The following CALCOCO1 variants were observed in gnomAD, a reference collection of about 807,000 sequenced individuals.
CALCOCO1 encodes the protein calcium-binding and coiled-coil domain-containing protein 1.
In CALCOCO1, 44 loss-of-function variants were observed where a neutral mutation model predicts 86.3. That is an observed-to-expected ratio of 0.51 (90% confidence interval 0.40 to 0.66). The LOEUF (loss-of-function observed/expected upper bound fraction) is 0.66. CALCOCO1 is among the 30% of genes least tolerant of loss of function. The pLI is 0.00. For synonymous variants in CALCOCO1, 297 were observed against 327.6 expected, an observed-to-expected ratio of 0.91 and a Z score of 1.01; for missense variants, 708 against 851.1, an observed-to-expected ratio of 0.83 and a Z score of 2.09.
At chr12:53,718,936 C>T (rs1184510961) in intron 7 of CALCOCO1, among the ~76,000 whole-genome samples, 2 of 148,914 alleles carry the variant, frequency 1.3e-5, no homozygotes, top group Non-Finnish European at 3.0e-5. Flanking sequence ...CAATTTCTGC[C>T]TCCCGGGTTC....
chr12:53,724,818 G>A (rs1301825213), intron 2 of CALCOCO1, 71 bp from the exon 3 acceptor site: 2 of 1,275,696 alleles, frequency 1.6e-6, no homozygotes, highest in Non-Finnish European at 2.2e-6. Context: ...AAAGGGCTGA[G>A]GGGTTGAATA....
At position 53,725,270 on chromosome 12, in the gene CALCOCO1, T is replaced by C. The variant is rs376476147; in HGVS notation, c.-24-4A>G. ...TGGCCTTGAGATATCTGTCCTCCTA[T>C]GAAAGAAAGGGTTGATAGCCTAAAG... On this transcript the variant is annotated splice_region_variant and splice_polypyrimidine_tract_variant and intron_variant, in intron 1 of 14. Coordinates refer to ENST00000550804, the MANE Select transcript of CALCOCO1 (RefSeq NM_020898.3). 1.3e-6 allele frequency: 2 copies of C among 1,549,308 alleles called. No homozygotes were observed. Among genetic ancestry groups the C allele is most frequent in the East Asian group, 4.7e-5 (2 of 42,604 alleles).
chr12:53,723,713 A>G lies in CALCOCO1; in HGVS notation c.330T>C (p.Cys110=), dbSNP rs974846207. 1.9e-6 allele frequency: 3 copies of G among 1,614,208 alleles called. No individual in the cohort carries two copies. The highest frequency in any genetic ancestry group is 8.5e-7 in the Non-Finnish European group (1 of 1,180,036). The part of the protein sequence containing the change: ...FRYVNRQGQV[C]GQSPPFQFRE... ...GGAACTGGAAAGGGGGGCTCTGCCC[A>G]CACACCTGGCCCTGGCGGTTCACAT... Residue 110 remains cysteine (C), a synonymous_variant, in exon 4 of 15, where the codon TGT becomes TGC. Coordinates refer to ENST00000550804, the MANE Select transcript of CALCOCO1 (RefSeq NM_020898.3).
chr12:53,718,754 C>G (rs1237681360), intron 7 of CALCOCO1, among the ~76,000 whole-genome samples: 2 of 151,692 alleles, frequency 1.3e-5, no homozygotes, highest in Non-Finnish European at 1.5e-5. Flanking sequence ...GGTTTTGAAC[C>G]CCTGGGCTTG....
In CALCOCO1 at chr12:53,719,747, G is replaced by A; in HGVS notation, c.841C>T (p.Gln281Ter). The A allele has an allele frequency of 6.2e-7, 1 of 1,612,938 alleles. No homozygotes were observed. Among genetic ancestry groups the A allele is most frequent in the Non-Finnish European group, 8.5e-7 (1 of 1,179,154 alleles). The change falls in exon 7 of 15, where the codon CAA becomes TAA. Residue 281 changes from glutamine to a stop codon, truncating the protein, a stop_gained. Coordinates refer to ENST00000550804, the MANE Select transcript of CALCOCO1 (RefSeq NM_020898.3). LOFTEE classifies it high-confidence loss of function. ...QLKEVQADKE[Q>*]SEAELQVAQQ... ...AACTCTGAGCCCCTTACCTCACTTT[G>A]CTCCTTGTCTGCTTGTACTTCTTTC...
Position 53,715,764 on chromosome 12 carries a change from A to G in CALCOCO1, c.1260+29T>C, listed in dbSNP as rs776249526. On this transcript the variant is annotated intron_variant, in intron 9 of 14. Transcript: ENST00000550804. ...CACAGAGGTGGGGGCAGTGGCCATC[A>G]GATTGCCAGGTACCCCCCATCCCTC... The G allele has an allele frequency of 7.5e-6, 12 of 1,605,796 alleles. No homozygotes were observed. In the Admixed American group the frequency reaches 2.0e-4, roughly 27 times the overall value.
intron 12 of CALCOCO1, 85 bp from the exon 13 acceptor site, chr12:53,713,985 A>G (rs1332974345): frequency 4.5e-6 from 6 of 1,346,400 alleles, no homozygotes; most frequent in Middle Eastern, 3.7e-4. Context: ...GAGGGGTATC[A>G]TTAGACTAAA....
At position 53,722,740 on chromosome 12, in the gene CALCOCO1, C is replaced by T. The variant is rs147860982; in HGVS notation, c.451-557G>A. 3.4e-4 allele frequency among the ~76,000 whole-genome samples: 52 copies of T among 152,178 alleles called. No homozygotes were observed. In the East Asian group the frequency reaches 9.4e-3, roughly 28 times the overall value. On this transcript the variant is annotated intron_variant, in intron 4 of 14. Coordinates refer to ENST00000550804, the MANE Select transcript of CALCOCO1 (RefSeq NM_020898.3). ...GACTACAGATGCATGCCACTACACC[C>T]AGCTAGCTATGTGATTTTGAACAAG... is the stretch of plus-strand genomic sequence containing the variant.
At position 53,722,013 on chromosome 12, in the gene CALCOCO1, C is replaced by T. The variant is rs1258250091; in HGVS notation, c.609+12G>A. On this transcript the variant is annotated intron_variant, in intron 5 of 14. Coordinates refer to ENST00000550804, the MANE Select transcript of CALCOCO1 (RefSeq NM_020898.3). ...CAGCCAGGCCCTGTCCCCTACCTGG[C>T]CCAGCTCCCACCTTGTACTGTTCCA... The T allele has an allele frequency of 1.2e-5, 19 of 1,611,952 alleles. No individual in the cohort carries two copies. In the East Asian group the frequency reaches 4.0e-4, roughly 34 times the overall value.
At chr12:53,726,373 A>T (rs1946034137) in intron 1 of CALCOCO1, 1 of 152,200 alleles carries the variant, frequency 6.6e-6, no homozygotes, top group Non-Finnish European at 1.5e-5. Flanking sequence ...GTTCCAAGTT[A>T]GCTGGGGAGA....
chr12:53,719,596 A>T lies in CALCOCO1; in HGVS notation c.849+143T>A, dbSNP rs184299068. The T allele has an allele frequency of 8.2e-4, 518 of 634,936 alleles. 3 individuals are homozygous for T. In the African/African-American group the frequency reaches 8.2e-3, roughly 10 times the overall value. 39.3% of individuals were successfully genotyped at this position (634,936 alleles called of 1,614,324 possible). ...CACTTTTCCACTCTGACTAATCCTG[A>T]TTTAGGTATATGTCTTATGTTCCCT... On this transcript the variant is annotated intron_variant, in intron 7 of 14. Coordinates refer to ENST00000550804, the MANE Select transcript of CALCOCO1 (RefSeq NM_020898.3).
At position 53,714,597 on chromosome 12, in the gene CALCOCO1, C is replaced by A. The variant is rs1163407433; in HGVS notation, c.1482+1G>T. The A allele has an allele frequency of 6.2e-7, 1 of 1,613,256 alleles. No homozygotes were observed. Among genetic ancestry groups the A allele is most frequent in the South Asian group, 1.1e-5 (1 of 91,064 alleles). On this transcript the variant is annotated splice_donor_variant, in intron 11 of 14. Coordinates refer to ENST00000550804, the MANE Select transcript of CALCOCO1 (RefSeq NM_020898.3). LOFTEE classifies it high-confidence loss of function. ...ACGGGGCCTGGGTTATGGGTGCTCA[C>A]CTGTTTCTCCTCCTGTAACTGCTCC...
At chr12:53,713,978 G>T in intron 12 of CALCOCO1, 78 bp from the exon 13 acceptor site, 1 of 1,370,082 alleles carries the variant, frequency 7.3e-7, no homozygotes, top group Non-Finnish European at 1.0e-6. Flanking sequence ...TCTGGATGAG[G>T]GGTATCATTA....
intron 9 of CALCOCO1, 60 bp downstream of exon 9, chr12:53,715,733 A>C: frequency 6.3e-7 from 1 of 1,582,336 alleles, no homozygotes; most frequent in Non-Finnish European, 8.6e-7. Context: ...CACATGTAGG[A>C]GTCCCCACAG....
At chr12:53,721,163 CT>C (rs2120621887) in intron 6 of CALCOCO1, among the ~76,000 whole-genome samples, 1 of 152,354 alleles carries the variant, frequency 6.6e-6, no homozygotes, top group East Asian at 1.9e-4. Flanking sequence ...CCTCTCTTAT[CT>C]TGCACTGACT....
At position 53,711,864 on chromosome 12, in the gene CALCOCO1, G is replaced by A. The variant is rs959358059; in HGVS notation, c.*80C>T. ...ATGGAGCCCAGTGTGATAGAAAATG[G>A]GCATGAAACCTAAGTGTATGCATGT... On this transcript the variant is annotated 3_prime_UTR_variant, in exon 15 of 15. Coordinates refer to ENST00000550804, the MANE Select transcript of CALCOCO1 (RefSeq NM_020898.3). 2 of 1,228,174 alleles carry A rather than the reference G, an allele frequency of 1.6e-6. No homozygotes were observed. Among genetic ancestry groups the A allele is most frequent in the East Asian group, 2.9e-5 (1 of 34,070 alleles). 76.1% of individuals were successfully genotyped at this position (1,228,174 alleles called of 1,614,324 possible). A position where few individuals can be genotyped will look rare whatever the true frequency, so the allele number is the denominator to read the frequency against.
At chr12:53,723,079 T>G (rs946159226) in intron 4 of CALCOCO1, 3 of 351,794 alleles carry the variant, frequency 8.5e-6, no homozygotes, top group African/African-American at 2.1e-5. Flanking sequence ...TAAAAAATAC[T>G]AAGTCTTCAA....
rs1250805021 is a variant in CALCOCO1 at position 53,710,671 on chromosome 12, T to G, written c.*1273A>C. On this transcript the variant is annotated 3_prime_UTR_variant, in exon 15 of 15. Coordinates refer to ENST00000550804, the MANE Select transcript of CALCOCO1 (RefSeq NM_020898.3). Reference sequence around the variant, plus strand: ...AAACAGGAGGAATATAAAATCGCCTTTAGAGGTATGAGGCTTAGGGCATTT... The same window carrying G: ...AAACAGGAGGAATATAAAATCGCCTGTAGAGGTATGAGGCTTAGGGCATTT... The G allele has an allele frequency of 6.6e-6, 1 of 152,176 alleles. No individual in the cohort carries two copies. The highest frequency in any genetic ancestry group is 1.9e-4 in the East Asian group (1 of 5,198). The allele number at this position is 152,176 out of a possible 1,614,324, so 9.4% of individuals were successfully genotyped here. A position where few individuals can be genotyped will look rare whatever the true frequency, so the allele number is the denominator to read the frequency against.
In CALCOCO1 at chr12:53,724,764, T is replaced by A. The variant is rs371738585; in HGVS notation, c.157-17A>T. The A allele has an allele frequency of 1.7e-4, 275 of 1,597,882 alleles. 1 individual carries two copies. The African/African-American group carries it at 2.4e-3, about 14-fold the overall frequency. On this transcript the variant is annotated splice_polypyrimidine_tract_variant and intron_variant, in intron 2 of 14. Transcript: ENST00000550804. ...AGCCTCCACCTGTGAAAGCCCAAGG[T>A]TGGAGAAAGGTATGGTCATGGAACT...
Sources: gnomAD v4.1 joint callset for allele counts (sites outside exome capture counted in the v4.1 genomes callset) on GRCh38, gnomAD v4.1.1 for gene constraint, MANE v1.5 for transcripts, NCBI Gene and HGNC (gene_info 2026-07-23, HGNC 2026-07-21) for gene names.